PSG8: variants seen among roughly 807,000 people sequenced by gnomAD.
The protein encoded by PSG8 is pregnancy-specific beta-1-glycoprotein 8.
In PSG8, 57 loss-of-function variants were observed where a neutral mutation model predicts 42.5. That is an observed-to-expected ratio of 1.34 (90% confidence interval 1.08 to 1.67). The LOEUF (loss-of-function observed/expected upper bound fraction) is 1.67, where lower values mean the gene tolerates loss of function less well. PSG8 is among the 40% of genes most tolerant of loss of function. The pLI is 0.00. For missense variants in PSG8, 783 were observed against 518.6 expected (o/e 1.51, Z -4.95); for synonymous variants, 280 against 196.8 (o/e 1.42, Z -3.54).
downstream of PSG8, chr19:42,754,120 T>A (rs1206130571): frequency 1.6e-6 from 2 of 1,269,156 alleles, no homozygotes; most frequent in African/African-American, 3.0e-5. Flanking sequence ...TTTTCCTGCT[T>A]GGTCTAGGCT....
At chr19:42,755,895 A>G (rs1228231528) in intron 3 of PSG8, 2 of 157,080 alleles carry the variant, frequency 1.3e-5, no homozygotes, top group African/African-American at 4.8e-5. Context: ...ACTTACTTGA[A>G]CCAGTGACCT....
chr19:42,759,793 T>A (rs745803728), intron 2 of PSG8, among the ~76,000 whole-genome samples: 5 of 152,188 alleles, frequency 3.3e-5, no homozygotes. Flanking sequence ...GGTCCAAACA[T>A]CTAAGATCAA....
intron 2 of PSG8, chr19:42,763,618 T>C (rs1403654907): frequency 2.8e-5 from 14 of 508,736 alleles, no homozygotes; most frequent in Non-Finnish European, 4.4e-5. Flanking sequence ...TTTCTCAGGG[T>C]CAAATTTATG....
intron 1 of PSG8, among the ~76,000 whole-genome samples, 184 bp from the exon 2 acceptor site, chr19:42,764,465 G>T (rs371831504): frequency 2.5e-4 from 38 of 152,042 alleles, no homozygotes; most frequent in Admixed American, 8.5e-4. Flanking sequence ...GTATGTGTGT[G>T]TGTCCTACTA....
Position 42,765,517 on chromosome 19 carries a change from C to A in PSG8, c.64+1G>T, listed in dbSNP as rs762973584. 3.7e-6 allele frequency: 6 copies of A among 1,610,700 alleles called. No individual in the cohort carries two copies. The African/African-American group carries it at 6.7e-5, about 18-fold the overall frequency. On this transcript the variant is annotated splice_donor_variant, in intron 1 of 4. Coordinates refer to ENST00000306511, the MANE Select transcript of PSG8 (RefSeq NM_182707.3). LOFTEE classifies it high-confidence loss of function. ...CCTCTCCCAGGAGGTTCTCTCCTCA[C>A]CTGTGAGCAGGAGCCCCTTCCAGGT...
At chr19:42,761,439 G>T (rs374396597) in intron 2 of PSG8, among the ~76,000 whole-genome samples, 14 of 151,826 alleles carry the variant, frequency 9.2e-5, no homozygotes, top group South Asian at 6.2e-4. Context: ...GTTTACAAAA[G>T]TTGTAACTAA....
At chr19:42,764,580 C>T (rs188107460) in intron 1 of PSG8, among the ~76,000 whole-genome samples, 1 of 152,024 alleles carries the variant, frequency 6.6e-6, no homozygotes, top group South Asian at 2.1e-4. Context: ...GCATGGCCCC[C>T]TCCACACTGC....
chr19:42,754,280 C>T lies in PSG8; in HGVS notation c.*15G>A, dbSNP rs375051561. The T allele has an allele frequency of 9.3e-6, 15 of 1,611,504 alleles. 1 individual carries two copies. In the South Asian group the frequency reaches 1.1e-4, roughly 12 times the overall value. The stretch of plus-strand genomic sequence containing the variant: ...TGTTTTCCTGACTCTTCCCTGAAGG[C>T]CAGATAGACTCCACCTAAATCCCTA... On this transcript the variant is annotated 3_prime_UTR_variant, in exon 5 of 5. Coordinates refer to ENST00000306511, the MANE Select transcript of PSG8 (RefSeq NM_182707.3).
At chr19:42,756,787 C>T (rs1418915989) in intron 3 of PSG8, among the ~76,000 whole-genome samples, 1 of 151,856 alleles carries the variant, frequency 6.6e-6, no homozygotes, top group African/African-American at 2.4e-5. Context: ...TCATGGTTGC[C>T]TCTTTTTCTC....
intron 3 of PSG8, chr19:42,756,199 T>C (rs979710962): frequency 3.3e-5 from 5 of 152,234 alleles, no homozygotes; most frequent in African/African-American, 1.2e-4. Context: ...GAATATTTTC[T>C]TTCACTGGAC....
rs1198821989 is a variant in PSG8 at position 42,764,214 on chromosome 19, T to C, written c.132A>G (p.Lys44=). ...GAAGAACATCCTTCCCCTCAGAAACTTTGGTTGGCTGGGCTTCAATCGTGA... is the reference window on the plus strand; with the variant it reads ...GAAGAACATCCTTCCCCTCAGAAACCTTGGTTGGCTGGGCTTCAATCGTGA... ...AQVTIEAQPT[K]VSEGKDVLLL... The change falls in exon 2 of 5, where the codon AAA becomes AAG. Residue 44 remains lysine, a synonymous_variant. Transcript: ENST00000306511. 6.2e-7 allele frequency: 1 copy of C among 1,613,642 alleles called. No individual in the cohort carries two copies. The highest frequency in any genetic ancestry group is 8.5e-7 in the Non-Finnish European group (1 of 1,179,858).
rs140787148 is a variant in PSG8, at chr19:42,754,343, T to G, written c.1233A>C (p.Val411=). 3.4e-5 allele frequency: 55 copies of G among 1,613,862 alleles called. No homozygotes were observed. The East Asian group carries it at 5.6e-4, about 16-fold the overall frequency. ...CTGGGATCCGCTTACCAGAGACTTT[T>G]ACTGTCATGGATTTGGAGCTTTCCT... is the stretch of plus-strand genomic sequence containing the variant. ...TGKESSKSMT[V]KVSGKRIPVS... is the part of the protein sequence containing the mutation. Residue 411 remains valine, a synonymous_variant, in exon 5 of 5, where the codon GTA becomes GTC. Transcript: ENST00000306511.
Position 42,763,939 on chromosome 19 carries a change from C to T in PSG8, c.407G>A (p.Gly136Glu). 1 of 1,613,690 alleles carries T rather than the reference C, an allele frequency of 6.2e-7. No homozygotes were observed. The highest frequency in any genetic ancestry group is 1.7e-5 in the Admixed American group (1 of 59,990). The change falls in exon 2 of 5, where the codon GGA (glycine) becomes GAA (glutamate). Residue 136 changes from glycine (G) to glutamate (E), a missense_variant. Physicochemically the swap from Gly to Glu is moderately conservative, Grantham distance 98 (BLOSUM62 -2). Transcript: ENST00000306511. ...ACGATATAAGGTGAAGGTGAAATGT[C>T]CAGTTACTCCTCTATTCTCATCACC... is the stretch of plus-strand genomic sequence containing the variant. Reference protein sequence around the residue: ...MGGDENRGVTGHFTFTLYLET... With the variant: ...MGGDENRGVTEHFTFTLYLET...
intron 1 of PSG8, among the ~76,000 whole-genome samples, chr19:42,765,283 G>T (rs941640882): frequency 2.0e-5 from 3 of 151,828 alleles, no homozygotes; most frequent in African/African-American, 7.3e-5. Flanking sequence ...CTCCCGAGTA[G>T]CTAGGATTAG....
intron 3 of PSG8, 36 bp downstream of exon 3, chr19:42,757,966 G>C (rs1157408119): frequency 6.2e-7 from 1 of 1,613,882 alleles, no homozygotes; most frequent in Non-Finnish European, 8.5e-7. Context: ...TATTTGGGAT[G>C]GCAGCCTGGC....
At chr19:42,755,719 A>C (rs1969908109) in intron 3 of PSG8, 1 of 200,974 alleles carries the variant, frequency 5.0e-6, no homozygotes, top group African/African-American at 2.3e-5. Flanking sequence ...TAATGATGGG[A>C]CTACCCATGG....
At chr19:42,756,460 G>A (rs941064454) in intron 3 of PSG8, among the ~76,000 whole-genome samples, 2 of 152,044 alleles carry the variant, frequency 1.3e-5, no homozygotes, top group Non-Finnish European at 2.9e-5. Context: ...AAGTGTTTTG[G>A]ATTTCTGACA....
Position 42,755,004 on chromosome 19 carries a change from G to A in PSG8, c.972C>T (p.Val324=), listed in dbSNP as rs765207960. 1 of 1,613,488 alleles carries A rather than the reference G, an allele frequency of 6.2e-7. No individual in the cohort carries two copies. Among genetic ancestry groups the A allele is most frequent in the East Asian group, 2.2e-5 (1 of 44,892 alleles). Residue 324 remains valine (V), a synonymous_variant, in exon 4 of 5, where the codon GTC becomes GTT. Transcript: ENST00000306511. ...GATACTCACAGAGGACATTCAGGGT[G>A]ACTGGGTAACTGCGGATGCCACCAT... ...DQYGGIRSYP[V]TLNVLYGPDL...
chr19:42,764,756 C>T (rs1320522578), intron 1 of PSG8, among the ~76,000 whole-genome samples: 1 of 152,130 alleles, frequency 6.6e-6, no homozygotes, highest in East Asian at 1.9e-4. Flanking sequence ...GTCTTCCCCT[C>T]CATGACAGCG....
Sources: gnomAD v4.1 joint callset for allele counts (sites outside exome capture counted in the v4.1 genomes callset) on GRCh38, gnomAD v4.1.1 for gene constraint, MANE v1.5 for transcripts, NCBI Gene and HGNC (gene_info 2026-07-23, HGNC 2026-07-21) for gene names.